The following RERG variants were observed in gnomAD, a reference collection of about 807,000 sequenced individuals.
RERG encodes the protein ras-related and estrogen-regulated growth inhibitor.
In RERG, 25 loss-of-function variants were observed where a neutral mutation model predicts 23.2. The ratio of observed to expected loss-of-function variants is 1.08; its 90% CI spans 0.79 to 1.50. The LOEUF (loss-of-function observed/expected upper bound fraction) is 1.50. Ranked by LOEUF, RERG falls within the 40% of genes most tolerant of loss-of-function variation. The pLI is 0.00. For missense variants in RERG, 253 were observed against 250.1 expected, an observed-to-expected ratio of 1.01 and a Z score of -0.08; for synonymous variants, 81 against 89.1, an observed-to-expected ratio of 0.91 and a Z score of 0.51.
intron 2 of RERG, among the ~76,000 whole-genome samples, chr12:15,145,117 T>C (rs1864309024): frequency 6.6e-6 from 1 of 152,196 alleles, no homozygotes; most frequent in Non-Finnish European, 1.5e-5. Context: ...CAGACCAATG[T>C]CTTGGCATTA....
intron 2 of RERG, among the ~76,000 whole-genome samples, chr12:15,215,156 T>C (rs997183693): frequency 2.6e-5 from 4 of 152,180 alleles, no homozygotes; most frequent in Admixed American, 6.5e-5. Context: ...GATTTGAATG[T>C]TAGAGTTGGA....
At chr12:15,204,474 AAAAAAGATAGAGG>A (rs932463629) in intron 2 of RERG, among the ~76,000 whole-genome samples, 8 of 151,854 alleles carry the variant, frequency 5.3e-5, no homozygotes, top group African/African-American at 1.9e-4. Flanking sequence ...AAACCCCTAG[AAAAAAGATAGAGG>A]AAAAGCTTCA....
intron 2 of RERG, among the ~76,000 whole-genome samples, chr12:15,143,326 ATGTAAATATATACATACACACAT>A (rs1864269959): frequency 5.0e-5 from 1 of 19,908 alleles, no homozygotes; most frequent in African/African-American, 1.4e-4. Context: ...ACACGTGTGT[ATGTAAATATATACATACACACAT>A]GTGTGTATGT....
At chr12:15,122,145 A>G (rs1863844029) in intron 2 of RERG, among the ~76,000 whole-genome samples, 2 of 152,118 alleles carry the variant, frequency 1.3e-5, no homozygotes, top group South Asian at 4.1e-4. Flanking sequence ...TAGCAGGCTC[A>G]TGAGCCCTCC....
intron 2 of RERG, among the ~76,000 whole-genome samples, chr12:15,179,965 A>T (rs895638556): frequency 6.6e-6 from 1 of 152,176 alleles, no homozygotes; most frequent in Non-Finnish European, 1.5e-5. Flanking sequence ...TTGTAATGAA[A>T]AGCATTACAA....
intron 2 of RERG, among the ~76,000 whole-genome samples, chr12:15,122,270 A>C (rs1312719903): frequency 6.6e-6 from 1 of 152,180 alleles, no homozygotes; most frequent in Non-Finnish European, 1.5e-5. Context: ...TTTTTACTGA[A>C]ATGCCCTGAA....
Position 15,137,980 on chromosome 12 carries a change from C to T in RERG, c.62-16861G>A, listed in dbSNP as rs553133931. On this transcript the variant is annotated intron_variant, in intron 2 of 4. Coordinates refer to ENST00000256953, the MANE Select transcript of RERG (RefSeq NM_032918.3). ...CAGCAAATTCCTTCAATTTTTGTTGCCCAAGAAAGTCTTAATTTATCCTTC... is the reference window on the plus strand; with the variant it reads ...CAGCAAATTCCTTCAATTTTTGTTGTCCAAGAAAGTCTTAATTTATCCTTC... 1.5e-3 allele frequency: 548 copies of T among 371,460 alleles called. 1 individual carries two copies. The highest frequency in any genetic ancestry group is 2.3e-3 in the Non-Finnish European group (429 of 187,402). 23.0% of individuals were successfully genotyped at this position (371,460 alleles called of 1,614,324 possible).
intron 2 of RERG, among the ~76,000 whole-genome samples, chr12:15,175,506 C>CTT (rs1864838642): frequency 6.6e-6 from 1 of 151,892 alleles, no homozygotes; most frequent in South Asian, 2.1e-4. Flanking sequence ...CGTCTCAGGT[C>CTT]TTTACTGGGC....
chr12:15,216,010 G>A (rs1865436419), intron 2 of RERG, among the ~76,000 whole-genome samples: 2 of 152,180 alleles, frequency 1.3e-5, no homozygotes, highest in Admixed American at 1.3e-4. Context: ...TTGGAAGTCT[G>A]GAATGAAGGA....
intron 2 of RERG, among the ~76,000 whole-genome samples, chr12:15,213,658 T>C (rs1865399117): frequency 6.6e-6 from 1 of 152,224 alleles, no homozygotes; most frequent in East Asian, 1.9e-4. Context: ...ATCCCTCACA[T>C]GTTTTATCAG....
intron 2 of RERG, among the ~76,000 whole-genome samples, chr12:15,137,102 T>C (rs1864156902): frequency 6.6e-6 from 1 of 151,890 alleles, no homozygotes; most frequent in Non-Finnish European, 1.5e-5. Context: ...TTTAGGCCCA[T>C]ATATATTAAA....
intron 2 of RERG, among the ~76,000 whole-genome samples, chr12:15,203,281 C>T (rs1865241869): frequency 6.6e-6 from 1 of 151,604 alleles, no homozygotes; most frequent in Admixed American, 6.6e-5. Flanking sequence ...TTCCTTTTCA[C>T]TGCTTGTTTG....
chr12:15,151,596 A>C (rs1251679489), intron 2 of RERG, among the ~76,000 whole-genome samples: 1 of 152,204 alleles, frequency 6.6e-6, no homozygotes, highest in Non-Finnish European at 1.5e-5. Context: ...GGGGGGAAAA[A>C]TGCTAAGTGG....
chr12:15,110,480 T>TTTTTTTTC (rs1863590764), intron 4 of RERG, among the ~76,000 whole-genome samples: 1 of 128,484 alleles, frequency 7.8e-6, no homozygotes, highest in Non-Finnish European at 1.6e-5. Context: ...TTTTTTTTTT[T>TTTTTTTTC]TTTTTTTTTT....
In RERG at chr12:15,108,032, A is replaced by G. The variant is rs999577894; in HGVS notation, c.*1078T>C. 6.6e-6 allele frequency: 1 copy of G among 152,614 alleles called. No homozygotes were observed. Among genetic ancestry groups the G allele is most frequent in the Non-Finnish European group, 1.5e-5 (1 of 68,014 alleles). The allele number at this position is 152,614 out of a possible 1,614,324, so 9.5% of individuals were successfully genotyped here. A position where few individuals can be genotyped will look rare whatever the true frequency, so the allele number is the denominator to read the frequency against. On this transcript the variant is annotated 3_prime_UTR_variant, in exon 5 of 5. Coordinates refer to ENST00000256953, the MANE Select transcript of RERG (RefSeq NM_032918.3). ...AATCATAAGGTTTTATCAGTTGTAG[A>G]CTGTACTTTCAGAATACAAGAGTCT... is the stretch of plus-strand genomic sequence containing the variant.
chr12:15,186,496 G>T (rs1864992862), intron 2 of RERG, among the ~76,000 whole-genome samples: 2 of 152,024 alleles, frequency 1.3e-5, no homozygotes, highest in Admixed American at 6.6e-5. Flanking sequence ...ATATTATTTA[G>T]ATAGTCTGGC....
chr12:15,177,839 G>GTTTTTTTTTTTT (rs11304470), intron 2 of RERG, among the ~76,000 whole-genome samples: 1 of 112,956 alleles, frequency 8.9e-6, no homozygotes, highest in African/African-American at 3.1e-5. Flanking sequence ...CCCTCTGTTT[G>GTTTTTTTTTTTT]TTTTTTTTTT....
intron 2 of RERG, among the ~76,000 whole-genome samples, chr12:15,164,144 C>T (rs1011391278): frequency 1.3e-5 from 2 of 152,164 alleles, no homozygotes; most frequent in African/African-American, 4.8e-5. Context: ...TAAGGTCTGA[C>T]TCCAGAAGAC....
intron 2 of RERG, among the ~76,000 whole-genome samples, chr12:15,197,248 T>C (rs1865157481): frequency 6.6e-6 from 1 of 152,182 alleles, no homozygotes; most frequent in African/African-American, 2.4e-5. Context: ...ATTATAAAAC[T>C]ATTATAGTTA....
Sources: gnomAD v4.1 joint callset for allele counts (sites outside exome capture counted in the v4.1 genomes callset) on GRCh38, gnomAD v4.1.1 for gene constraint, MANE v1.5 for transcripts, NCBI Gene and HGNC (gene_info 2026-07-23, HGNC 2026-07-21) for gene names.